Variants in CACNA2D1 observed in about 807,000 individuals in gnomAD.
CACNA2D1 encodes voltage-dependent calcium channel subunit alpha-2/delta-1.
A neutral mutation model predicts 171.5 loss-of-function variants in CACNA2D1; 53 were observed. The ratio of observed to expected loss-of-function variants is 0.31; its 90% CI spans 0.25 to 0.39. CACNA2D1 has a LOEUF of 0.39. CACNA2D1 is among the 10% of genes least tolerant of loss of function. CACNA2D1 has a pLI of 1.00. For missense variants in CACNA2D1, 903 were observed against 1,299.8 expected (o/e 0.69, Z 4.69); for synonymous variants, 442 against 443.1 (o/e 1.00, Z 0.03).
chr7:82,067,204 CTTACT>C (rs893313894), intron 7 of CACNA2D1, among the ~76,000 whole-genome samples: 5 of 151,986 alleles, frequency 3.3e-5, no homozygotes, highest in Non-Finnish European at 7.4e-5. Context: ...TAAATTGATA[CTTACT>C]TTAATTAAAA....
intron 1 of CACNA2D1, among the ~76,000 whole-genome samples, chr7:82,400,775 A>C (rs2129451750): frequency 6.6e-6 from 1 of 151,130 alleles, no homozygotes; most frequent in East Asian, 1.9e-4. Flanking sequence ...GGCAACCTAC[A>C]AAATGGGAGA....
intron 7 of CACNA2D1, among the ~76,000 whole-genome samples, chr7:82,069,041 G>A (rs1233332390): frequency 1.3e-5 from 2 of 151,982 alleles, no homozygotes; most frequent in Non-Finnish European, 2.9e-5. Flanking sequence ...TTACTCTTAG[G>A]TAGTATCCCT....
intron 3 of CACNA2D1, among the ~76,000 whole-genome samples, chr7:82,267,078 T>A (rs749892772): frequency 2.6e-4 from 39 of 152,214 alleles, no homozygotes; most frequent in Non-Finnish European, 4.3e-4. Flanking sequence ...TTTCAATGAA[T>A]GTGTACAGAA....
At chr7:82,084,366 A>C (rs1810190492) in intron 7 of CACNA2D1, among the ~76,000 whole-genome samples, 1 of 152,208 alleles carries the variant, frequency 6.6e-6, no homozygotes, top group African/African-American at 2.4e-5. Context: ...GATTAAACAC[A>C]TTAAACTTTT....
chr7:82,272,444 C>G (rs539918849), intron 3 of CACNA2D1, among the ~76,000 whole-genome samples: 2 of 152,182 alleles, frequency 1.3e-5, no homozygotes, highest in African/African-American at 2.4e-5. Flanking sequence ...CAGCAACTCA[C>G]TTCTCACAAA....
chr7:82,097,700 C>CA (rs1812062287), intron 6 of CACNA2D1, among the ~76,000 whole-genome samples: 1 of 152,126 alleles, frequency 6.6e-6, no homozygotes, highest in African/African-American at 2.4e-5. Context: ...GCATCTTAGC[C>CA]ATGAAGTGTA....
rs1401964094 is a variant in CACNA2D1, at chr7:82,138,425, AGTTTTGTTTTTTTT to A, written c.355-1763_355-1750del. On this transcript the variant is annotated intron_variant, in intron 4 of 38. Coordinates refer to ENST00000356860, the MANE Select transcript of CACNA2D1 (RefSeq NM_000722.4). ...TTCCTGAAACATTTCTTATAGCATT[AGTTTTGTTTTTTTT>A]GTTTTTTTTGTTTTTTTTTTTTTTT... 4.3e-3 allele frequency among the ~76,000 whole-genome samples: 507 copies of A among 117,402 alleles called. 3 individuals carry two copies. Among genetic ancestry groups the A allele is most frequent in the African/African-American group, 0.016 (480 of 30,348 alleles). 77.0% of individuals were successfully genotyped at this position (117,402 alleles called of 152,430 possible).
intron 3 of CACNA2D1, among the ~76,000 whole-genome samples, chr7:82,202,433 A>G (rs549706567): frequency 6.6e-6 from 1 of 152,204 alleles, no homozygotes; most frequent in African/African-American, 2.4e-5. Context: ...CAGCTGAAAC[A>G]TTGGTTGTGG....
chr7:82,012,007 A>G (rs1799841916), intron 15 of CACNA2D1, 147 bp downstream of exon 15: 1 of 666,202 alleles, frequency 1.5e-6, no homozygotes, highest in Admixed American at 2.3e-5. Context: ...TGTAAATTAT[A>G]TAAATTCTAG....
intron 1 of CACNA2D1, among the ~76,000 whole-genome samples, chr7:82,426,204 T>C (rs1382785092): frequency 6.6e-6 from 1 of 151,986 alleles, no homozygotes; most frequent in African/African-American, 2.4e-5. Context: ...TTGGTTTGTT[T>C]AGATTCACTG....
At chr7:82,213,592 C>T (rs75457655) in intron 3 of CACNA2D1, among the ~76,000 whole-genome samples, 4,955 of 152,100 alleles carry the variant, frequency 0.033, 251 homozygotes, top group African/African-American at 0.11. Flanking sequence ...TAATGCACAC[C>T]TAAAATACAA....
At chr7:82,087,626 CT>C (rs1810633255) in intron 6 of CACNA2D1, among the ~76,000 whole-genome samples, 2 of 150,952 alleles carry the variant, frequency 1.3e-5, no homozygotes, top group Non-Finnish European at 3.0e-5. Context: ...AGAATGAATA[CT>C]ATTTTAGACC....
intron 3 of CACNA2D1, among the ~76,000 whole-genome samples, chr7:82,256,934 G>A (rs1806377784): frequency 6.6e-6 from 1 of 152,090 alleles, no homozygotes; most frequent in Non-Finnish European, 1.5e-5. Flanking sequence ...ATACTATAGT[G>A]AGTTTCAAAA....
chr7:82,297,252 T>C (rs1812415697), intron 3 of CACNA2D1, among the ~76,000 whole-genome samples: 1 of 151,632 alleles, frequency 6.6e-6, no homozygotes, highest in Non-Finnish European at 1.5e-5. Context: ...TCTCAAAAAA[T>C]AAACAAATAG....
At chr7:82,262,041 A>T (rs1807173821) in intron 3 of CACNA2D1, among the ~76,000 whole-genome samples, 1 of 152,254 alleles carries the variant, frequency 6.6e-6, no homozygotes, top group Non-Finnish European at 1.5e-5. Context: ...TATAAAAAAT[A>T]AAACACAAGG....
At chr7:82,011,252 C>G (rs894645524) in intron 15 of CACNA2D1, among the ~76,000 whole-genome samples, 3 of 152,052 alleles carry the variant, frequency 2.0e-5, no homozygotes, top group Non-Finnish European at 4.4e-5. Flanking sequence ...ACCTAAAATA[C>G]ACTAATACTA....
rs1350937703 is a variant in CACNA2D1 at position 82,012,050 on chromosome 7, AG to A, written c.1362+103del. ...GTCTGTGATAGAAGAAATTTTGGGG[AG>A]GGTTTAATGAAAAGGAAAACAGAGA... On this transcript the variant is annotated intron_variant, in intron 15 of 38. Transcript: ENST00000356860. 1.6e-5 allele frequency: 12 copies of A among 772,552 alleles called. No homozygotes were observed. In the Admixed American group the frequency reaches 1.6e-4, roughly 11 times the overall value. The allele number at this position is 772,552 out of a possible 1,614,324, so 47.9% of individuals were successfully genotyped here. A position where few individuals can be genotyped will look rare whatever the true frequency, so the allele number is the denominator to read the frequency against.
chr7:82,019,627 T>C (rs975815602), intron 12 of CACNA2D1, among the ~76,000 whole-genome samples: 19 of 152,162 alleles, frequency 1.2e-4, no homozygotes, highest in African/African-American at 4.6e-4. Flanking sequence ...AAAACTAAAA[T>C]ACTTGTCTTC....
intron 3 of CACNA2D1, among the ~76,000 whole-genome samples, chr7:82,232,532 T>G (rs973034704): frequency 6.6e-6 from 1 of 152,102 alleles, no homozygotes; most frequent in Non-Finnish European, 1.5e-5. Flanking sequence ...GCGAAGTAAA[T>G]AATAATTGCC....
Sources: allele counts gnomAD v4.1 joint callset (sites outside exome capture counted in the v4.1 genomes callset), GRCh38; gene constraint gnomAD v4.1.1; transcripts MANE v1.5; gene names NCBI Gene and HGNC (gene_info 2026-07-23, HGNC 2026-07-21).